Variants in CDH4 observed in about 807,000 individuals in gnomAD.
CDH4 encodes the protein cadherin-4.
A neutral mutation model predicts 86.0 loss-of-function variants in CDH4; 33 were observed. That is an observed-to-expected ratio of 0.38 (90% CI 0.29 to 0.51). The LOEUF (loss-of-function observed/expected upper bound fraction) is 0.51. Among genes scored for constraint, CDH4 ranks in the 20% least tolerant of loss-of-function variants. The pLI, the probability that CDH4 is intolerant of heterozygous loss-of-function variation, is 0.86. For synonymous variants in CDH4, 555 were observed against 549.4 expected (o/e 1.01, Z -0.14); for missense variants, 1,114 against 1,307.4 (o/e 0.85, Z 2.28).
At chr20:61,386,290 G>C (rs902893895) in intron 2 of CDH4, among the ~76,000 whole-genome samples, 3 of 152,104 alleles carry the variant, frequency 2.0e-5, no homozygotes, top group African/African-American at 7.2e-5. Flanking sequence ...TCCTCCAAAG[G>C]CATGGCCTCC....
intron 2 of CDH4, among the ~76,000 whole-genome samples, chr20:61,613,193 C>G (rs147628903): frequency 1.3e-5 from 2 of 152,240 alleles, no homozygotes; most frequent in East Asian, 3.9e-4. Context: ...TTCACACTCT[C>G]TGTCCCCTTG....
At chr20:61,908,924 C>T (rs1047058390) in intron 8 of CDH4, among the ~76,000 whole-genome samples, 2 of 152,212 alleles carry the variant, frequency 1.3e-5, no homozygotes, top group African/African-American at 4.8e-5. Context: ...GTTTGCTGCA[C>T]CTGAGGGCTT....
chr20:61,803,117 G>T (rs117131162), intron 4 of CDH4, among the ~76,000 whole-genome samples: 1 of 152,196 alleles, frequency 6.6e-6, no homozygotes, highest in Non-Finnish European at 1.5e-5. Flanking sequence ...TCTCAGCAGC[G>T]CGGCGAGTCG....
intron 2 of CDH4, among the ~76,000 whole-genome samples, chr20:61,589,822 A>C (rs2086504298): frequency 6.6e-6 from 1 of 150,894 alleles, no homozygotes. Context: ...GTATAATAAT[A>C]ATTAAAAAAA....
intron 2 of CDH4, among the ~76,000 whole-genome samples, chr20:61,331,640 C>CCTCAGATCT (rs1568801158): frequency 0.049 from 833 of 17,108 alleles, no homozygotes; most frequent in East Asian, 0.12. Context: ...GCCCCAGACC[C>CCTCAGATCT]ACCTCCCGCC....
At chr20:61,307,722 A>C (rs1293600607) in intron 2 of CDH4, among the ~76,000 whole-genome samples, 1 of 152,146 alleles carries the variant, frequency 6.6e-6, no homozygotes, top group East Asian at 1.9e-4. Context: ...GGGTGGTCCT[A>C]GGTGTCCTGA....
intron 4 of CDH4, among the ~76,000 whole-genome samples, chr20:61,841,902 A>G (rs1982195505): frequency 6.6e-6 from 1 of 152,194 alleles, no homozygotes; most frequent in Admixed American, 6.5e-5. Flanking sequence ...CCTATACGGA[A>G]AACAGCTTTT....
At chr20:61,932,925 C>T in intron 13 of CDH4, 60 bp from the exon 14 acceptor site, 1 of 1,582,628 alleles carries the variant, frequency 6.3e-7, no homozygotes, top group Non-Finnish European at 8.6e-7. Context: ...ATGGCAAACA[C>T]AGAGGCACAC....
At chr20:61,773,370 G>C (rs1288456894) in intron 4 of CDH4, among the ~76,000 whole-genome samples, 188 bp downstream of exon 4, 3 of 152,212 alleles carry the variant, frequency 2.0e-5, no homozygotes, top group Non-Finnish European at 4.4e-5. Context: ...TGCGTCCTCC[G>C]CGGTGGATGG....
At chr20:61,565,251 T>A in intron 2 of CDH4, among the ~76,000 whole-genome samples, 1 of 79,704 alleles carries the variant, frequency 1.3e-5, no homozygotes, top group East Asian at 3.3e-4. Flanking sequence ...GGCGGTGCTC[T>A]TGGTGATGGT....
chr20:61,545,704 CG>C (rs1244749819), intron 2 of CDH4, among the ~76,000 whole-genome samples: 2 of 152,112 alleles, frequency 1.3e-5, no homozygotes, highest in Non-Finnish European at 2.9e-5. Flanking sequence ...TTGGCGCCAG[CG>C]GGCAGGAGGC....
chr20:61,310,565 G>A (rs1192082820), intron 2 of CDH4, among the ~76,000 whole-genome samples: 2 of 152,162 alleles, frequency 1.3e-5, no homozygotes, highest in African/African-American at 2.4e-5. Flanking sequence ...GAGCTCAGGC[G>A]GCCATGCTGG....
rs1283520292 is a variant in CDH4, at chr20:61,879,657, C to A, written c.1050+5757C>A. Among the ~76,000 whole-genome samples, 1 of 152,198 alleles carries A rather than the reference C, an allele frequency of 6.6e-6. No individual in the cohort carries two copies. The highest frequency in any genetic ancestry group is 1.5e-5 in the Non-Finnish European group (1 of 68,038). On this transcript the variant is annotated intron_variant, in intron 7 of 15. Coordinates refer to ENST00000614565, the MANE Select transcript of CDH4 (RefSeq NM_001794.5). This position sits in a 1 kb window ranked among gnomAD's most constrained non-coding sequence, Gnocchi z 4.1. ...AGATGCCCCACTTGCTAATCCTATT[C>A]ATCTGGCGTTGTTTCCTAATTAGAA...
chr20:61,667,414 A>T (rs2087338883), intron 2 of CDH4, among the ~76,000 whole-genome samples: 1 of 152,204 alleles, frequency 6.6e-6, no homozygotes, highest in Non-Finnish European at 1.5e-5. Context: ...GGGAACAGAG[A>T]AGCGGGGTTG....
intron 2 of CDH4, among the ~76,000 whole-genome samples, chr20:61,631,385 G>T (rs1297392182): frequency 1.3e-5 from 2 of 152,228 alleles, no homozygotes; most frequent in East Asian, 3.9e-4. Flanking sequence ...GCTCACATCT[G>T]TAATCCCACT....
intron 2 of CDH4, among the ~76,000 whole-genome samples, chr20:61,686,942 C>T (rs1431461703): frequency 1.3e-5 from 2 of 151,686 alleles, no homozygotes; most frequent in Non-Finnish European, 2.9e-5. Flanking sequence ...CCAACCCCCG[C>T]CCCCCGACCC....
intron 3 of CDH4, among the ~76,000 whole-genome samples, chr20:61,746,043 T>G (rs1449321364): frequency 2.6e-5 from 4 of 152,056 alleles, no homozygotes; most frequent in Admixed American, 1.3e-4. Flanking sequence ...GGACACTGAA[T>G]TCATGTCCCA....
rs2087446884 is a variant in CDH4, at chr20:61,676,598, A to C, written c.170-66965A>C. On this transcript the variant is annotated intron_variant, in intron 2 of 15. Coordinates refer to ENST00000614565, the MANE Select transcript of CDH4 (RefSeq NM_001794.5). This position sits in a 1 kb window ranked among gnomAD's most constrained non-coding sequence, Gnocchi z 4.5. ...CTGTGACAGTGCCCTGGCTCTGTGCACCCAGCCAGGGTTCACTGAGTGTAC... is the reference window on the plus strand; with the variant it reads ...CTGTGACAGTGCCCTGGCTCTGTGCCCCCAGCCAGGGTTCACTGAGTGTAC... Among the ~76,000 whole-genome samples the C allele has an allele frequency of 6.6e-6, 1 of 152,096 alleles. No homozygotes were observed. Among genetic ancestry groups the C allele is most frequent in the African/African-American group, 2.4e-5 (1 of 41,396 alleles).
At chr20:61,907,225 G>A (rs1255836066) in intron 8 of CDH4, among the ~76,000 whole-genome samples, 1 of 152,120 alleles carries the variant, frequency 6.6e-6, no homozygotes, top group Non-Finnish European at 1.5e-5. Context: ...TAGACTCACA[G>A]CAACACGGAC....
Sources: gnomAD v4.1 joint callset for allele counts (sites outside exome capture counted in the v4.1 genomes callset) on GRCh38, gnomAD v4.1.1 for gene constraint, Gnocchi (gnomAD v3.1) non-coding constraint, MANE v1.5 for transcripts, NCBI Gene and HGNC (gene_info 2026-07-23, HGNC 2026-07-21) for gene names.